The following TM9SF3 variants were observed in gnomAD, a reference collection of about 807,000 sequenced individuals.
TM9SF3 encodes the protein SM-11044-binding protein.
A neutral mutation model predicts 78.6 loss-of-function variants in TM9SF3; 14 were observed. The observed-to-expected ratio is 0.18, with a 90% confidence interval of 0.12 to 0.28. The LOEUF is 0.28. Ranked by LOEUF, TM9SF3 falls within the 10% of genes least tolerant of loss-of-function variation. The pLI is 1.00. For missense variants in TM9SF3, 496 were observed against 721.9 expected (o/e 0.69, Z 3.59); for synonymous variants, 231 against 241.7 (o/e 0.96, Z 0.41).
intron 14 of TM9SF3, among the ~76,000 whole-genome samples, chr10:96,525,346 G>C (rs1458433209): frequency 6.6e-6 from 1 of 151,984 alleles, no homozygotes; most frequent in African/African-American, 2.4e-5. Context: ...ACAGGGAATG[G>C]CTATCACAGC....
In TM9SF3 at chr10:96,519,492, T is replaced by C. The variant is rs151277478; in HGVS notation, c.*2771A>G. 219 of 152,088 alleles carry C rather than the reference T, an allele frequency of 1.4e-3. No homozygotes were observed. Among genetic ancestry groups the C allele is most frequent in the African/African-American group, 5.2e-3 (216 of 41,548 alleles). The allele number at this position is 152,088 out of a possible 1,614,324, so 9.4% of individuals were successfully genotyped here. A position where few individuals can be genotyped will look rare whatever the true frequency, so the allele number is the denominator to read the frequency against. ...TTTCCACCTTATCCTACTCTTGTAT[T>C]AGGATATATGTATACAAATGTCAAC... On this transcript the variant is annotated 3_prime_UTR_variant, in exon 15 of 15. Coordinates refer to ENST00000371142, the MANE Select transcript of TM9SF3 (RefSeq NM_020123.4).
Position 96,544,174 on chromosome 10 carries a change from C to T in TM9SF3, c.1087G>A (p.Ala363Thr). The part of the protein sequence containing the change: ...RRWIKQMFIG[A>T]FLIPAMVCGT... ...CACACCATAGCTGGGATAAGGAATGCCCCAATAAACATCTGCTTTATCCAT... is the reference window on the plus strand; with the variant it reads ...CACACCATAGCTGGGATAAGGAATGTCCCAATAAACATCTGCTTTATCCAT... The change falls in exon 9 of 15, where the codon GCA (alanine) becomes ACA (threonine). Residue 363 changes from alanine (A) to threonine (T), a missense_variant. Ala to Thr is a moderately conservative substitution (Grantham distance 58, BLOSUM62 0). This residue lies in a region of TM9SF3 where 280 missense variants were observed against 422.6 expected (regional missense o/e 0.66). Coordinates refer to ENST00000371142, the MANE Select transcript of TM9SF3 (RefSeq NM_020123.4). 3.7e-6 allele frequency: 6 copies of T among 1,609,206 alleles called. No individual in the cohort carries two copies. The highest frequency in any genetic ancestry group is 5.1e-6 in the Non-Finnish European group (6 of 1,177,614).
chr10:96,549,952 C>T (rs780201070), intron 7 of TM9SF3, among the ~76,000 whole-genome samples: 2 of 151,846 alleles, frequency 1.3e-5, no homozygotes, highest in African/African-American at 2.4e-5. Context: ...AGTGTCAATT[C>T]GATAGTGATT....
chr10:96,562,401 C>T (rs1365014986), intron 3 of TM9SF3, among the ~76,000 whole-genome samples: 1 of 151,996 alleles, frequency 6.6e-6, no homozygotes, highest in African/African-American at 2.4e-5. Context: ...TTTTAAATTA[C>T]ATAGTCTTAG....
chr10:96,567,902 G>A lies in TM9SF3; in HGVS notation c.299-2476C>T, dbSNP rs79795110. Among the ~76,000 whole-genome samples the A allele has an allele frequency of 8.1e-3, 1,240 of 152,322 alleles. 5 individuals carry two copies. Among genetic ancestry groups the A allele is most frequent in the Non-Finnish European group, 0.012 (823 of 68,024 alleles). On this transcript the variant is annotated intron_variant, in intron 2 of 14. Transcript: ENST00000371142. ...GGTATGTACCTATACATGCATCTGT[G>A]TATGAATAGTGTGTATGTTTGTACA...
intron 9 of TM9SF3, among the ~76,000 whole-genome samples, chr10:96,534,773 A>C (rs1011123016): frequency 3.3e-5 from 5 of 152,206 alleles, no homozygotes; most frequent in Admixed American, 2.6e-4. Context: ...AACTGTAATA[A>C]GATATATATA....
Position 96,521,774 on chromosome 10 carries a change from C to T in TM9SF3, c.*489G>A, listed in dbSNP as rs1847778088. On this transcript the variant is annotated 3_prime_UTR_variant, in exon 15 of 15. Coordinates refer to ENST00000371142, the MANE Select transcript of TM9SF3 (RefSeq NM_020123.4). ...ACCCAGATTCAATATATAAAAATGT[C>T]CCACAATAGGTCGACAATGGCAGTA... 1 of 150,806 alleles carries T rather than the reference C, an allele frequency of 6.6e-6. No individual in the cohort carries two copies. Among genetic ancestry groups the T allele is most frequent in the Admixed American group, 6.6e-5 (1 of 15,084 alleles). 9.3% of individuals were successfully genotyped at this position (150,806 alleles called of 1,614,324 possible). A position where few individuals can be genotyped will look rare whatever the true frequency, so the allele number is the denominator to read the frequency against.
At chr10:96,574,730 A>G (rs914855046) in intron 2 of TM9SF3, among the ~76,000 whole-genome samples, 1 of 152,218 alleles carries the variant, frequency 6.6e-6, no homozygotes, top group Admixed American at 6.5e-5. Flanking sequence ...ATACCATGGA[A>G]TACTATGCAG....
intron 2 of TM9SF3, among the ~76,000 whole-genome samples, chr10:96,575,267 T>C (rs1011736113): frequency 6.6e-6 from 1 of 152,172 alleles, no homozygotes; most frequent in Non-Finnish European, 1.5e-5. Context: ...TTACATATAG[T>C]ACCAAATCTC....
intron 14 of TM9SF3, among the ~76,000 whole-genome samples, chr10:96,524,867 C>T (rs1847820568): frequency 1.3e-5 from 2 of 151,718 alleles, no homozygotes; most frequent in East Asian, 3.8e-4. Flanking sequence ...CCCCACCTGC[C>T]CCTGAAAAAT....
chr10:96,572,808 G>A (rs542126659), intron 2 of TM9SF3, among the ~76,000 whole-genome samples: 1 of 152,022 alleles, frequency 6.6e-6, no homozygotes, highest in African/African-American at 2.4e-5. Context: ...GAGCCACCGC[G>A]CCTGGCCCAT....
At chr10:96,578,614 A>G (rs1848524333) in intron 1 of TM9SF3, among the ~76,000 whole-genome samples, 1 of 152,176 alleles carries the variant, frequency 6.6e-6, no homozygotes, top group African/African-American at 2.4e-5. Flanking sequence ...ATTTGGGGAG[A>G]CTGACAAATA....
At chr10:96,538,937 T>C (rs1268469726) in intron 9 of TM9SF3, among the ~76,000 whole-genome samples, 3 of 152,218 alleles carry the variant, frequency 2.0e-5, no homozygotes, top group African/African-American at 4.8e-5. Flanking sequence ...ATGTCAAAAC[T>C]ATTTTGGAAA....
intron 1 of TM9SF3, among the ~76,000 whole-genome samples, chr10:96,582,956 T>G (rs1277298828): frequency 6.6e-6 from 1 of 151,736 alleles, no homozygotes; most frequent in Non-Finnish European, 1.5e-5. Flanking sequence ...AGCACATGCC[T>G]GTAATCCCAG....
At chr10:96,553,635 T>G (rs187947022) in intron 5 of TM9SF3, among the ~76,000 whole-genome samples, 7 of 152,310 alleles carry the variant, frequency 4.6e-5, no homozygotes, top group Admixed American at 4.6e-4. Flanking sequence ...CCTGAATGAT[T>G]TGCTTCACTT....
In TM9SF3 at chr10:96,539,979, G is replaced by A. The variant is rs561107570; in HGVS notation, c.1185+4097C>T. ...TCTTCTGAAAACCAGACAAGATAATGCGTGTGAAAATGCTTTGTAAACTAC... is the reference window on the plus strand; with the variant it reads ...TCTTCTGAAAACCAGACAAGATAATACGTGTGAAAATGCTTTGTAAACTAC... On this transcript the variant is annotated intron_variant, in intron 9 of 14. Transcript: ENST00000371142. Among the ~76,000 whole-genome samples the A allele has an allele frequency of 3.3e-5, 5 of 152,254 alleles. No homozygotes were observed. The East Asian group carries it at 9.7e-4, about 29-fold the overall frequency.
rs1311873738 is a variant in TM9SF3, at chr10:96,519,276, C to T, written c.*2987G>A. On this transcript the variant is annotated 3_prime_UTR_variant, in exon 15 of 15. Transcript: ENST00000371142. ...AAGAACTGGATTTTGCAGCAACCAA[C>T]TTTATAAAGAGGTCCATCCACTCTC... 6.6e-6 allele frequency: 1 copy of T among 151,964 alleles called. No homozygotes were observed. The highest frequency in any genetic ancestry group is 1.5e-5 in the Non-Finnish European group (1 of 67,884). The allele number at this position is 151,964 out of a possible 1,614,324, so 9.4% of individuals were successfully genotyped here. A position where few individuals can be genotyped will look rare whatever the true frequency, so the allele number is the denominator to read the frequency against.
intron 1 of TM9SF3, among the ~76,000 whole-genome samples, chr10:96,578,333 A>T (rs977340815): frequency 2.6e-5 from 4 of 152,230 alleles, no homozygotes; most frequent in African/African-American, 7.2e-5. Flanking sequence ...TAAGAAGTTC[A>T]TAATCCACAG....
At chr10:96,576,019 A>C (rs1848492773) in intron 2 of TM9SF3, among the ~76,000 whole-genome samples, 1 of 152,248 alleles carries the variant, frequency 6.6e-6, no homozygotes, top group African/African-American at 2.4e-5. Flanking sequence ...TAAAATTTAA[A>C]TATCCTATAG....
Sources: gnomAD v4.1 joint callset for allele counts (sites outside exome capture counted in the v4.1 genomes callset) on GRCh38, gnomAD v4.1.1 for gene constraint, gnomAD v4.1.1 regional missense constraint, MANE v1.5 for transcripts, NCBI Gene and HGNC (gene_info 2026-07-23, HGNC 2026-07-21) for gene names.